Variants in PHACTR2 observed in about 807,000 individuals in gnomAD.
PHACTR2 encodes the protein chromosome 6 open reading frame 56.
A neutral mutation model predicts 76.0 loss-of-function variants in PHACTR2; 30 were observed. The ratio of observed to expected loss-of-function variants is 0.39; its 90% CI spans 0.30 to 0.54. The LOEUF is 0.54. PHACTR2 is among the 20% of genes least tolerant of loss of function. The pLI, the probability that PHACTR2 is intolerant of heterozygous loss-of-function variation, is 0.61. For synonymous variants in PHACTR2, 292 were observed against 292.5 expected (o/e 1.00, Z 0.02); for missense variants, 696 against 781.1 (o/e 0.89, Z 1.30).
At chr6:143,655,270 T>G (rs573299534) in intron 1 of PHACTR2, among the ~76,000 whole-genome samples, 1 of 152,128 alleles carries the variant, frequency 6.6e-6, no homozygotes, top group Non-Finnish European at 1.5e-5. Flanking sequence ...ATAGGCAAAT[T>G]CCTAGAGAAA....
intron 2 of PHACTR2, among the ~76,000 whole-genome samples, chr6:143,720,852 A>G (rs115985461): frequency 0.025 from 3,740 of 152,210 alleles, 154 homozygotes; most frequent in African/African-American, 0.082. Context: ...ATCTCAGGTG[A>G]TTCTCCCACC....
upstream of PHACTR2, among the ~76,000 whole-genome samples, chr6:143,673,062 T>C (rs9403521): frequency 0.16 from 24,661 of 152,046 alleles, 2,146 homozygotes; most frequent in East Asian, 0.35. Context: ...GTTAGGATCA[T>C]GTATTTGTAG....
chr6:143,604,246 G>A (rs893697081), upstream of PHACTR2, among the ~76,000 whole-genome samples: 3 of 152,080 alleles, frequency 2.0e-5, no homozygotes, highest in Non-Finnish European at 4.4e-5. Context: ...AGTCAGATAG[G>A]CCCATTTGAG....
At chr6:143,762,282 C>G (rs1316405526) in intron 5 of PHACTR2, among the ~76,000 whole-genome samples, 2 of 152,198 alleles carry the variant, frequency 1.3e-5, no homozygotes, top group African/African-American at 4.8e-5. Flanking sequence ...AGCTTGGACT[C>G]TCTTTACTTC....
chr6:143,705,444 G>A (rs953696033), intron 1 of PHACTR2, among the ~76,000 whole-genome samples: 4 of 151,966 alleles, frequency 2.6e-5, no homozygotes, highest in East Asian at 1.9e-4. Flanking sequence ...ACAGGCGCCC[G>A]CCACTGCGCC....
intron 10 of PHACTR2, among the ~76,000 whole-genome samples, chr6:143,785,588 G>C (rs1324351627): frequency 1.3e-5 from 2 of 152,166 alleles, no homozygotes; most frequent in Admixed American, 1.3e-4. Context: ...CTGTGTGGGG[G>C]TTCCAACCCC....
In PHACTR2 at chr6:143,753,979, G is replaced by A; in HGVS notation, c.454+67G>A. Reference sequence around the variant, plus strand: ...GCTCAATGTCTAGAACCAGCACTTAGGCTCCAACTAGTGACTCTAAAACCA... The same window carrying A: ...GCTCAATGTCTAGAACCAGCACTTAAGCTCCAACTAGTGACTCTAAAACCA... On this transcript the variant is annotated intron_variant, in intron 4 of 12. Coordinates refer to ENST00000440869, the MANE Select transcript of PHACTR2 (RefSeq NM_001100164.2). The surrounding 1 kb of genome is among the most constrained non-coding windows in gnomAD (Gnocchi z 4.6). The A allele has an allele frequency of 9.2e-7, 1 of 1,083,134 alleles. No homozygotes were observed. The highest frequency in any genetic ancestry group is 2.1e-5 in the South Asian group (1 of 47,692). The allele number at this position is 1,083,134 out of a possible 1,614,324, so 67.1% of individuals were successfully genotyped here.
In PHACTR2 at chr6:143,597,166, G is replaced by T. The variant is rs1408379179; in HGVS notation, c.217+59959G>T. ...ACACATTCTCTTGGGAAAACCCATTGTAGGGAGGGACAGGAATGACTTCCA... is the reference window on the plus strand; with the variant it reads ...ACACATTCTCTTGGGAAAACCCATTTTAGGGAGGGACAGGAATGACTTCCA... On this transcript the variant is annotated intron_variant, in intron 1 of 11. Coordinates refer to the PHACTR2 transcript ENST00000367584. The surrounding 1 kb of genome is among the most constrained non-coding windows in gnomAD (Gnocchi z 5.7). 2.0e-5 allele frequency among the ~76,000 whole-genome samples: 3 copies of T among 152,246 alleles called. No homozygotes were observed. The highest frequency in any genetic ancestry group is 4.4e-5 in the Non-Finnish European group (3 of 68,052).
chr6:143,584,518 C>A (rs1222694852), intron 1 of PHACTR2, among the ~76,000 whole-genome samples: 5 of 152,196 alleles, frequency 3.3e-5, no homozygotes, highest in Admixed American at 6.5e-5. Context: ...GCTGCCTTTA[C>A]TGATGGCATT....
intron 1 of PHACTR2, among the ~76,000 whole-genome samples, chr6:143,687,564 C>T (rs891540595): frequency 6.6e-6 from 1 of 152,092 alleles, no homozygotes; most frequent in African/African-American, 2.4e-5. Flanking sequence ...GGAACAAAAA[C>T]CAAAACTACA....
In PHACTR2 at chr6:143,547,435, A is replaced by G. The variant is rs371804109; in HGVS notation, c.217+10228A>G. Among the ~76,000 whole-genome samples, 2 of 152,234 alleles carry G rather than the reference A, an allele frequency of 1.3e-5. No homozygotes were observed. The highest frequency in any genetic ancestry group is 2.9e-5 in the Non-Finnish European group (2 of 68,050). ...ACAGCTAAGTCATTCACATTACTTT[A>G]TAGTAACACTGCGTACCTCCAAAAT... On this transcript the variant is annotated intron_variant, in intron 1 of 11. Transcript: ENST00000367584. The surrounding 1 kb of genome is among the most constrained non-coding windows in gnomAD (Gnocchi z 4.2).
At chr6:143,799,958 T>C (rs570782675) in intron 11 of PHACTR2, among the ~76,000 whole-genome samples, 7 of 152,348 alleles carry the variant, frequency 4.6e-5, no homozygotes, top group Admixed American at 1.3e-4. Flanking sequence ...GTCTTATTGA[T>C]CTGTCCAGTA....
intron 1 of PHACTR2, among the ~76,000 whole-genome samples, chr6:143,701,658 C>T (rs1034559250): frequency 1.3e-5 from 2 of 152,194 alleles, no homozygotes; most frequent in African/African-American, 4.8e-5. Flanking sequence ...TTAAATCCTG[C>T]TTACCAGCTG....
rs1775430849 is a variant in PHACTR2 at position 143,781,404 on chromosome 6, T to C, written c.1646-1815T>C. Among the ~76,000 whole-genome samples, 3 of 152,314 alleles carry C rather than the reference T, an allele frequency of 2.0e-5. No homozygotes were observed. The South Asian group carries it at 6.2e-4, about 32-fold the overall frequency. On this transcript the variant is annotated intron_variant, in intron 9 of 12. Transcript: ENST00000440869. Reference sequence around the variant, plus strand: ...CGTATTTAATGACGACTGGAGCATTTGTTAGCTTTGGGATGTATTATATCC... The same window carrying C: ...CGTATTTAATGACGACTGGAGCATTCGTTAGCTTTGGGATGTATTATATCC...
At chr6:143,584,411 TA>T (rs1252808472) in intron 1 of PHACTR2, among the ~76,000 whole-genome samples, 1 of 152,156 alleles carries the variant, frequency 6.6e-6, no homozygotes, top group Non-Finnish European at 1.5e-5. Context: ...GAAGATCAAC[TA>T]GCCTCAGTTC....
chr6:143,786,709 T>G (rs778503598), intron 10 of PHACTR2, among the ~76,000 whole-genome samples: 1 of 152,108 alleles, frequency 6.6e-6, no homozygotes, highest in Non-Finnish European at 1.5e-5. Context: ...GGCAGCAAGA[T>G]AAAATGAGGA....
In PHACTR2 at chr6:143,541,051, G is replaced by C. The variant is rs1781167314; in HGVS notation, c.217+3844G>C. On this transcript the variant is annotated intron_variant, in intron 1 of 11. Coordinates refer to the PHACTR2 transcript ENST00000367584. The surrounding 1 kb of genome is among the most constrained non-coding windows in gnomAD (Gnocchi z 5.3). The stretch of plus-strand genomic sequence containing the variant: ...AGGGATCCTGCTGCCTCAGCCTCCT[G>C]AGTAGCTGGTGTTATAGGCGCATGC... Among the ~76,000 whole-genome samples, 1 of 152,208 alleles carries C rather than the reference G, an allele frequency of 6.6e-6. No homozygotes were observed.
At chr6:143,545,099 A>G (rs1774961037) in intron 1 of PHACTR2, among the ~76,000 whole-genome samples, 1 of 152,050 alleles carries the variant, frequency 6.6e-6, no homozygotes, top group African/African-American at 2.4e-5. Flanking sequence ...ATGTGCCATC[A>G]TGCCTGGCTA....
At chr6:143,615,985 T>C (rs1197138746) in intron 1 of PHACTR2, among the ~76,000 whole-genome samples, 1 of 152,214 alleles carries the variant, frequency 6.6e-6, no homozygotes, top group East Asian at 1.9e-4. Context: ...AATAATCTCA[T>C]TTAAATTTTG....
Sources: gnomAD v4.1 joint callset for allele counts (sites outside exome capture counted in the v4.1 genomes callset) on GRCh38, gnomAD v4.1.1 for gene constraint, Gnocchi (gnomAD v3.1) non-coding constraint, MANE v1.5 for transcripts, NCBI Gene and HGNC (gene_info 2026-07-23, HGNC 2026-07-21) for gene names.